CNOT10: variants seen among roughly 807,000 people sequenced by gnomAD.
The protein encoded by CNOT10 is CCR4-NOT transcription complex subunit 10, also known as CCR4-NOT transcription complex, subunit 10.
A neutral mutation model predicts 94.6 loss-of-function variants in CNOT10; 30 were observed. The ratio of observed to expected loss-of-function variants is 0.32; its 90% CI spans 0.24 to 0.43. The LOEUF (loss-of-function observed/expected upper bound fraction) is 0.43, where lower values mean the gene tolerates loss of function less well. CNOT10 is among the 20% of genes least tolerant of loss of function. The pLI is 1.00. For missense variants in CNOT10, 759 were observed against 877.2 expected (o/e 0.87, Z 1.70); for synonymous variants, 289 against 301.6 (o/e 0.96, Z 0.43).
Position 32,717,237 on chromosome 3 carries a change from T to C in CNOT10, c.744T>C (p.Asn248=), listed in dbSNP as rs1698163675. ...EIKSVMNTAG[N]SAPSLFLKSN... ...AGTCAGTCATGAATACAGCTGGAAA[T>C]GTAAGTTTCTTCTGGACTTTTGTTT... is the stretch of plus-strand genomic sequence containing the variant. Residue 248 remains asparagine, a splice_region_variant and synonymous_variant, in exon 7 of 19, where the codon AAT becomes AAC. Coordinates refer to ENST00000328834, the MANE Select transcript of CNOT10 (RefSeq NM_015442.3). 1.3e-6 allele frequency: 2 copies of C among 1,588,152 alleles called. No homozygotes were observed. Among genetic ancestry groups the C allele is most frequent in the Non-Finnish European group, 1.7e-6 (2 of 1,160,744 alleles).
chr3:32,733,087 A>G lies in CNOT10; in HGVS notation c.1216-336A>G, dbSNP rs908310883. ...GGGCTCTCTTATTTTCCTTACTCTG[A>G]TGTCAAAGTACCTGTAACATGTAGC... On this transcript the variant is annotated intron_variant, in intron 10 of 18. Coordinates refer to ENST00000328834, the MANE Select transcript of CNOT10 (RefSeq NM_015442.3). Among the ~76,000 whole-genome samples, 46 of 152,022 alleles carry G rather than the reference A, an allele frequency of 3.0e-4. 2 individuals are homozygous for G. Among genetic ancestry groups the G allele is most frequent in the Non-Finnish European group, 5.9e-5 (4 of 68,014 alleles).
At chr3:32,691,183 A>G (rs1251212623) in intron 1 of CNOT10, among the ~76,000 whole-genome samples, 3 of 117,282 alleles carry the variant, frequency 2.6e-5, no homozygotes, top group African/African-American at 6.7e-5. Context: ...TTTTTTTGAG[A>G]TGGAATCTCA....
rs1213532047 is a variant in CNOT10 at position 32,710,577 on chromosome 3, T to TA, written c.430+1758dup. Among the ~76,000 whole-genome samples the TA allele has an allele frequency of 3.9e-5, 6 of 152,308 alleles. No homozygotes were observed. The East Asian group carries it at 1.2e-3, about 29-fold the overall frequency. On this transcript the variant is annotated intron_variant, in intron 4 of 18. Transcript: ENST00000328834. Reference sequence around the variant, plus strand: ...GACAAATATATTCATTATAGTATCATACAGAGTATTTTTCACTGCCCTAAG... The same window carrying TA: ...GACAAATATATTCATTATAGTATCATAACAGAGTATTTTTCACTGCCCTAAG...
chr3:32,769,645 C>G, intron 17 of CNOT10: 1 of 431,224 alleles, frequency 2.3e-6, no homozygotes, highest in South Asian at 3.1e-5. Context: ...GGATGGTTGA[C>G]TGTAGTATCG....
intron 13 of CNOT10, among the ~76,000 whole-genome samples, chr3:32,747,999 C>T (rs1003130761): frequency 6.6e-6 from 1 of 152,142 alleles, no homozygotes; most frequent in Non-Finnish European, 1.5e-5. Flanking sequence ...CCGCCATGCC[C>T]AGCTACTTTT....
intron 1 of CNOT10, chr3:32,695,842 G>A: frequency 2.0e-6 from 3 of 1,523,116 alleles, no homozygotes; most frequent in Non-Finnish European, 2.6e-6. Context: ...GAAGTCAGTA[G>A]TTATAAATAA....
intron 1 of CNOT10, among the ~76,000 whole-genome samples, chr3:32,702,904 T>C (rs1196507491): frequency 6.7e-6 from 1 of 150,298 alleles, no homozygotes. Flanking sequence ...TAATCAGTCA[T>C]TGTTTTTTGT....
chr3:32,714,419 A>T (rs111942494), intron 5 of CNOT10, among the ~76,000 whole-genome samples: 17 of 152,128 alleles, frequency 1.1e-4, no homozygotes, highest in African/African-American at 3.4e-4. Context: ...AAAAAAAAAA[A>T]AATACATGGC....
At chr3:32,705,351 A>T (rs1022134984) in intron 3 of CNOT10, among the ~76,000 whole-genome samples, 1 of 152,204 alleles carries the variant, frequency 6.6e-6, no homozygotes, top group Non-Finnish European at 1.5e-5. Flanking sequence ...TTGATTAAAT[A>T]GAAGATATTC....
intron 5 of CNOT10, among the ~76,000 whole-genome samples, chr3:32,715,004 A>C (rs1236986405): frequency 1.3e-5 from 2 of 152,224 alleles, no homozygotes; most frequent in Non-Finnish European, 2.9e-5. Flanking sequence ...ATTTCAGTTG[A>C]ATAACCTTAG....
intron 1 of CNOT10, among the ~76,000 whole-genome samples, chr3:32,697,983 T>A (rs1395956453): frequency 6.6e-6 from 1 of 152,250 alleles, no homozygotes; most frequent in East Asian, 1.9e-4. Context: ...GAGGATCCTG[T>A]TTCAATCTAA....
At chr3:32,770,050 G>C (rs1489339514) in intron 18 of CNOT10, 88 bp downstream of exon 18, 1 of 995,842 alleles carries the variant, frequency 1.0e-6, no homozygotes, top group African/African-American at 1.6e-5. Flanking sequence ...GTGTTGCCCA[G>C]GCTGGAGTGC....
In CNOT10 at chr3:32,748,064, C is replaced by A. The variant is rs1261328912; in HGVS notation, c.1595+10574C>A. Among the ~76,000 whole-genome samples the A allele has an allele frequency of 2.0e-5, 3 of 152,168 alleles. No individual in the cohort carries two copies. The East Asian group carries it at 5.8e-4, about 29-fold the overall frequency. ...TGTTAACCAATCTAGTCCTAACACT[C>A]CTGGGCTGAAGTGAAACTCCTAGGC... On this transcript the variant is annotated intron_variant, in intron 13 of 18. Transcript: ENST00000328834.
At chr3:32,714,096 T>G (rs1349150733) in intron 5 of CNOT10, among the ~76,000 whole-genome samples, 1 of 152,160 alleles carries the variant, frequency 6.6e-6, no homozygotes. Context: ...CAAGACTGTT[T>G]TACAAAGTGG....
At chr3:32,738,713 C>T (rs977029086) in intron 13 of CNOT10, among the ~76,000 whole-genome samples, 3 of 152,016 alleles carry the variant, frequency 2.0e-5, no homozygotes, top group East Asian at 1.9e-4. Flanking sequence ...CCACCCACCT[C>T]GGCCTCCCAA....
Position 32,755,611 on chromosome 3 carries a change from T to A in CNOT10, c.1596-3847T>A, listed in dbSNP as rs1021418701. Among the ~76,000 whole-genome samples, 17 of 152,314 alleles carry A rather than the reference T, an allele frequency of 1.1e-4. No homozygotes were observed. The East Asian group carries it at 1.9e-3, about 17-fold the overall frequency. Reference sequence around the variant, plus strand: ...GATTTATCCTCATTTTAGCCTTTTTTAATAAGGGTTAAACTATTTCAGATA... The same window carrying A: ...GATTTATCCTCATTTTAGCCTTTTTAAATAAGGGTTAAACTATTTCAGATA... On this transcript the variant is annotated intron_variant, in intron 13 of 18. Coordinates refer to ENST00000328834, the MANE Select transcript of CNOT10 (RefSeq NM_015442.3).
Position 32,764,768 on chromosome 3 carries a change from C to G in CNOT10, c.1963C>G (p.Leu655Val). The change falls in exon 17 of 19, where the codon CTG becomes GTG. Residue 655 changes from leucine (L) to valine (V), a missense_variant. Leu to Val is a conservative substitution (Grantham distance 32). Coordinates refer to ENST00000328834, the MANE Select transcript of CNOT10 (RefSeq NM_015442.3). ...MLFNLGSAYC[L>V]RSEYDKARKC... ...GTTCAACCTTGGCAGCGCTTACTGC[C>G]TGAGGAGCGAATATGACAAAGCCCG... 5.0e-6 allele frequency: 8 copies of G among 1,614,168 alleles called. No homozygotes were observed. Among genetic ancestry groups the G allele is most frequent in the Non-Finnish European group, 6.8e-6 (8 of 1,180,030 alleles).
chr3:32,767,909 C>G (rs777788603), intron 17 of CNOT10, among the ~76,000 whole-genome samples: 15 of 152,156 alleles, frequency 9.9e-5, no homozygotes, highest in Non-Finnish European at 1.8e-4. Context: ...TCTCGTACAG[C>G]AGGTGGCCAT....
Position 32,717,144 on chromosome 3 carries a change from C to G in CNOT10, c.661-10C>G, listed in dbSNP as rs749606721. ...ATAGTTTTAACATACTAACATTTTC[C>G]CTTTGACAGTACAAAGTACGAGCTT... On this transcript the variant is annotated splice_polypyrimidine_tract_variant and intron_variant, in intron 6 of 18. Coordinates refer to ENST00000328834, the MANE Select transcript of CNOT10 (RefSeq NM_015442.3). 1 of 1,535,864 alleles carries G rather than the reference C, an allele frequency of 6.5e-7. No homozygotes were observed. The highest frequency in any genetic ancestry group is 8.9e-7 in the Non-Finnish European group (1 of 1,126,600).
Sources: gnomAD v4.1 joint callset for allele counts (sites outside exome capture counted in the v4.1 genomes callset) on GRCh38, gnomAD v4.1.1 for gene constraint, MANE v1.5 for transcripts, NCBI Gene and HGNC (gene_info 2026-07-23, HGNC 2026-07-21) for gene names.